Variants in SLC9A9 observed in about 807,000 individuals in gnomAD.
The protein encoded by SLC9A9 is solute carrier family 9 member A9.
SLC9A9 carries 62 observed loss-of-function variants against 77.8 expected under a neutral mutation model. The observed-to-expected ratio is 0.80, with a 90% confidence interval of 0.65 to 0.98. SLC9A9 has a LOEUF of 0.98. SLC9A9 is among the 50% of genes least tolerant of loss of function. The pLI is 0.00. For synonymous variants in SLC9A9, 320 were observed against 283.5 expected (o/e 1.13, Z -1.29); for missense variants, 775 against 774.9 (o/e 1.00, Z 0.00).
At chr3:143,271,155 G>A (rs1249036028) in intron 14 of SLC9A9, among the ~76,000 whole-genome samples, 4 of 152,208 alleles carry the variant, frequency 2.6e-5, no homozygotes, top group African/African-American at 7.2e-5. Flanking sequence ...CATATGTGAG[G>A]TTTCAGGCAT....
chr3:143,348,175 T>G (rs1478948721), intron 14 of SLC9A9, among the ~76,000 whole-genome samples: 1 of 152,096 alleles, frequency 6.6e-6, no homozygotes, highest in Non-Finnish European at 1.5e-5. Context: ...AATTTTTGTA[T>G]TTTTAGTAGA....
chr3:143,722,301 A>G (rs868625273), intron 4 of SLC9A9, among the ~76,000 whole-genome samples: 1 of 151,820 alleles, frequency 6.6e-6, no homozygotes, highest in Non-Finnish European at 1.5e-5. Flanking sequence ...GTGAAACCCC[A>G]TCTCTACTAA....
chr3:143,659,523 G>A (rs1431609097), intron 5 of SLC9A9, among the ~76,000 whole-genome samples: 4 of 152,172 alleles, frequency 2.6e-5, no homozygotes, highest in Admixed American at 1.3e-4. Flanking sequence ...TTTCAAAGTG[G>A]AAGATGAACA....
intron 12 of SLC9A9, 112 bp downstream of exon 12, chr3:143,466,925 G>A (rs2035288793): frequency 7.4e-7 from 1 of 1,350,116 alleles, no homozygotes; most frequent in African/African-American, 1.4e-5. Flanking sequence ...TGACTGCTGG[G>A]AAAGTTAGGG....
rs371881836 is a variant in SLC9A9, at chr3:143,590,733, T to C, written c.756-12010A>G. ...GTGGCTACACCTGAAGGAAAATGTG[T>C]TTGTGAACAGAGGGTGTTTAATAAA... On this transcript the variant is annotated intron_variant, in intron 6 of 15. Transcript: ENST00000316549. Among the ~76,000 whole-genome samples the C allele has an allele frequency of 9.0e-4, 137 of 152,312 alleles. 1 individual carries two copies. Among genetic ancestry groups the C allele is most frequent in the African/African-American group, 3.2e-3 (133 of 41,576 alleles).
intron 5 of SLC9A9, among the ~76,000 whole-genome samples, chr3:143,673,427 G>A (rs996755658): frequency 1.3e-5 from 2 of 152,108 alleles, no homozygotes; most frequent in Non-Finnish European, 2.9e-5. Context: ...GACTTAGGGT[G>A]TAGACTGGCA....
At chr3:143,274,388 C>CT (rs1401112725) in intron 14 of SLC9A9, among the ~76,000 whole-genome samples, 6 of 152,110 alleles carry the variant, frequency 3.9e-5, no homozygotes, top group Non-Finnish European at 5.9e-5. Context: ...AAACAGATGG[C>CT]TTTTCTATTC....
intron 8 of SLC9A9, among the ~76,000 whole-genome samples, chr3:143,556,269 C>T (rs1306052681): frequency 1.3e-5 from 2 of 152,208 alleles, no homozygotes; most frequent in Admixed American, 1.3e-4. Context: ...GGGGGACCCT[C>T]AAGGGGCCTA....
At chr3:143,305,781 A>G (rs1026890968) in intron 14 of SLC9A9, among the ~76,000 whole-genome samples, 2 of 152,192 alleles carry the variant, frequency 1.3e-5, no homozygotes, top group African/African-American at 4.8e-5. Flanking sequence ...ACTGAAGATA[A>G]CAAGGGGTGT....
chr3:143,816,081 CCTCTT>C (rs1428656217), intron 2 of SLC9A9, among the ~76,000 whole-genome samples: 1 of 152,228 alleles, frequency 6.6e-6, no homozygotes, highest in African/African-American at 2.4e-5. Context: ...TGAAGTTTCT[CCTCTT>C]CTCACCCAGC....
chr3:143,710,898 T>G (rs144142439), intron 4 of SLC9A9, among the ~76,000 whole-genome samples: 4 of 152,314 alleles, frequency 2.6e-5, no homozygotes, highest in Admixed American at 2.6e-4. Context: ...AGAATGTAAA[T>G]AACAAGAAAA....
In SLC9A9 at chr3:143,552,562, C is replaced by T. The variant is rs1028658197; in HGVS notation, c.1001-112G>A. ...CTTGGTGTCAGTAGAGTTAAAACTG[C>T]TAGTAGTTACCATGATAATGCAACC... On this transcript the variant is annotated intron_variant, in intron 8 of 15. Coordinates refer to ENST00000316549, the MANE Select transcript of SLC9A9 (RefSeq NM_173653.4). 4.1e-5 allele frequency: 34 copies of T among 824,508 alleles called. No individual in the cohort carries two copies. The African/African-American group carries it at 5.2e-4, about 13-fold the overall frequency. 51.1% of individuals were successfully genotyped at this position (824,508 alleles called of 1,614,324 possible).
At chr3:143,493,920 A>G (rs2035791517) in intron 10 of SLC9A9, among the ~76,000 whole-genome samples, 156 bp from the exon 11 acceptor site, 1 of 152,240 alleles carries the variant, frequency 6.6e-6, no homozygotes, top group Admixed American at 6.5e-5. Flanking sequence ...TGCTTCCAAA[A>G]TTTATATTTC....
At chr3:143,785,652 C>T (rs1470444731) in intron 4 of SLC9A9, among the ~76,000 whole-genome samples, 1 of 152,012 alleles carries the variant, frequency 6.6e-6, no homozygotes, top group East Asian at 1.9e-4. Context: ...ATATACTCCC[C>T]TGATTTTTTT....
intron 8 of SLC9A9, among the ~76,000 whole-genome samples, chr3:143,554,244 G>A (rs1277430227): frequency 6.6e-6 from 1 of 152,176 alleles, no homozygotes; most frequent in Admixed American, 6.5e-5. Flanking sequence ...CCTACTGTGG[G>A]CCAAGAACAG....
At chr3:143,796,601 T>C (rs1364020705) in intron 3 of SLC9A9, among the ~76,000 whole-genome samples, 1 of 152,226 alleles carries the variant, frequency 6.6e-6, no homozygotes, top group Non-Finnish European at 1.5e-5. Flanking sequence ...ACAAGACGCA[T>C]TTCAAGAGCT....
intron 4 of SLC9A9, among the ~76,000 whole-genome samples, chr3:143,789,069 C>G (rs1405710921): frequency 6.6e-6 from 1 of 152,140 alleles, no homozygotes; most frequent in East Asian, 1.9e-4. Flanking sequence ...AAATTCATTT[C>G]TCGACTCTAA....
intron 12 of SLC9A9, among the ~76,000 whole-genome samples, chr3:143,453,139 C>T (rs1234043879): frequency 6.6e-6 from 1 of 151,936 alleles, no homozygotes; most frequent in African/African-American, 2.4e-5. Context: ...CAATACTTGA[C>T]CATTTTTTAG....
chr3:143,379,037 AAT>A (rs201767123), intron 13 of SLC9A9, among the ~76,000 whole-genome samples: 1 of 150,414 alleles, frequency 6.6e-6, no homozygotes, highest in Non-Finnish European at 1.5e-5. Flanking sequence ...TATAATTTTA[AAT>A]ATATATATAT....
Sources: allele counts gnomAD v4.1 joint callset (sites outside exome capture counted in the v4.1 genomes callset), GRCh38; gene constraint gnomAD v4.1.1; transcripts MANE v1.5; gene names NCBI Gene and HGNC (gene_info 2026-07-23, HGNC 2026-07-21).